CALU: variants seen among roughly 807,000 people sequenced by gnomAD.
The protein encoded by CALU is calumenin.
A neutral mutation model predicts 37.5 loss-of-function variants in CALU; 13 were observed. That is an observed-to-expected ratio of 0.35 (90% CI 0.23 to 0.55). The LOEUF (loss-of-function observed/expected upper bound fraction) is 0.55, where lower values mean the gene tolerates loss of function less well. CALU is among the 20% of genes least tolerant of loss of function. The pLI, the probability that CALU is intolerant of heterozygous loss-of-function variation, is 0.89. For missense variants in CALU, 282 were observed against 391.7 expected (o/e 0.72, Z 2.36); for synonymous variants, 114 against 133.8 (o/e 0.85, Z 1.02).
chr7:128,759,359 A>T (rs1039562556), intron 4 of CALU, among the ~76,000 whole-genome samples: 2 of 152,222 alleles, frequency 1.3e-5, no homozygotes, highest in African/African-American at 2.4e-5. Flanking sequence ...CATGACCAAT[A>T]GTCAGACATT....
At chr7:128,754,688 T>A in intron 3 of CALU, 1 of 1,552,122 alleles carries the variant, frequency 6.4e-7, no homozygotes, top group Non-Finnish European at 8.7e-7. Flanking sequence ...TCTCCTGGGA[T>A]GAGTACAGAA....
chr7:128,765,467 T>C (rs62479588), intron 5 of CALU, among the ~76,000 whole-genome samples: 45,582 of 152,144 alleles, frequency 0.3, 8,080 homozygotes, highest in Non-Finnish European at 0.41. Context: ...ATTTGTTAGA[T>C]TCATTTGCAG....
chr7:128,767,277 A>C (rs1449094409), intron 5 of CALU, among the ~76,000 whole-genome samples, 179 bp from the exon 6 acceptor site: 1 of 152,230 alleles, frequency 6.6e-6, no homozygotes, highest in Non-Finnish European at 1.5e-5. Flanking sequence ...GTTGCAAGAT[A>C]AGTGATTAAG....
At chr7:128,745,041 G>C (rs984316598) in intron 1 of CALU, among the ~76,000 whole-genome samples, 1 of 152,192 alleles carries the variant, frequency 6.6e-6, no homozygotes, top group Non-Finnish European at 1.5e-5. Context: ...TCCAGGACCA[G>C]ATTATGTTAG....
intron 1 of CALU, among the ~76,000 whole-genome samples, chr7:128,742,142 G>A (rs1800264743): frequency 6.6e-6 from 1 of 152,186 alleles, no homozygotes; most frequent in Non-Finnish European, 1.5e-5. Flanking sequence ...CATGAAGGAT[G>A]CCATCACTTT....
In CALU at chr7:128,758,946, A is replaced by G; in HGVS notation, c.491A>G (p.Asp164Gly). The change falls in exon 4 of 7, where the codon GAC becomes GGC. Residue 164 changes from aspartate (D) to glycine (G), a missense_variant. Asp to Gly is a moderately conservative substitution (Grantham distance 94). Coordinates refer to ENST00000249364, the MANE Select transcript of CALU (RefSeq NM_001219.5). Reference protein sequence around the residue: ...VRDERRFKMADKDGDLIATKE... With the variant: ...VRDERRFKMAGKDGDLIATKE... ...GATGAGCGGAGGTTTAAAATGGCAG[A>G]CAAGGATGGAGACCTCATTGCCACC... The G allele has an allele frequency of 6.2e-7, 1 of 1,613,518 alleles. No individual in the cohort carries two copies.
chr7:128,758,028 A>G (rs1800958045), intron 3 of CALU, among the ~76,000 whole-genome samples: 1 of 152,080 alleles, frequency 6.6e-6, no homozygotes, highest in South Asian at 2.1e-4. Context: ...CACCACTGCA[A>G]TCACGATAAT....
In CALU at chr7:128,772,729, CTG is replaced by C. The variant is rs1801637851; in HGVS notation, c.*3564_*3565del. On this transcript the variant is annotated 3_prime_UTR_variant, in exon 7 of 7. Transcript: ENST00000249364. Reference sequence around the variant, plus strand: ...AGTATGGGAAAAAAGACCTTATTCTCTGTATCACCAAAGCCTTGCACAATGCT... The same window carrying C: ...AGTATGGGAAAAAAGACCTTATTCTCTATCACCAAAGCCTTGCACAATGCT... 2 of 1,599,298 alleles carry C rather than the reference CTG, an allele frequency of 1.3e-6. No homozygotes were observed. The highest frequency in any genetic ancestry group is 2.7e-5 in the African/African-American group (2 of 74,704).
intron 4 of CALU, 85 bp downstream of exon 4, chr7:128,759,122 ATATCT>A: frequency 1.1e-6 from 1 of 921,564 alleles, no homozygotes; most frequent in Non-Finnish European, 1.7e-6. Context: ...CTTATATAGC[ATATCT>A]TATATATATA....
chr7:128,754,839 A>G (rs750929906), intron 3 of CALU: 5 of 453,780 alleles, frequency 1.1e-5, no homozygotes, highest in African/African-American at 2.0e-5. Context: ...TGCTAAGCTG[A>G]TTCCCTTTAT....
At chr7:128,740,925 G>T (rs1220308565) in intron 1 of CALU, among the ~76,000 whole-genome samples, 1 of 152,094 alleles carries the variant, frequency 6.6e-6, no homozygotes, top group Non-Finnish European at 1.5e-5. Context: ...AGAGTTGAGG[G>T]TCTCAGTATG....
In CALU at chr7:128,772,070, T is replaced by G. The variant is rs533412722; in HGVS notation, c.*2903T>G. Among the ~76,000 whole-genome samples the G allele has an allele frequency of 1.2e-3, 101 of 82,218 alleles. 1 individual carries two copies. Among genetic ancestry groups the G allele is most frequent in the East Asian group, 9.3e-3 (42 of 4,504 alleles). 53.9% of individuals were successfully genotyped at this position (82,218 alleles called of 152,430 possible). A position where few individuals can be genotyped will look rare whatever the true frequency, so the allele number is the denominator to read the frequency against. ...GGCCACTGAGTTTTTTTTGTTTTTT[T>G]TTTTGTTTTGTTTTGTTTTTTCTTT... On this transcript the variant is annotated 3_prime_UTR_variant, in exon 7 of 7. Transcript: ENST00000249364.
At position 128,754,259 on chromosome 7, in the gene CALU, C is replaced by T; in HGVS notation, c.222-3C>T. 1 of 1,601,540 alleles carries T rather than the reference C, an allele frequency of 6.2e-7. No individual in the cohort carries two copies. ...TTGCTGGATTTCTCTGCATTTTCTACAGAAAGATTGTAAGTAAAATAGATG... is the reference window on the plus strand; with the variant it reads ...TTGCTGGATTTCTCTGCATTTTCTATAGAAAGATTGTAAGTAAAATAGATG... On this transcript the variant is annotated splice_polypyrimidine_tract_variant and splice_region_variant and intron_variant, in intron 2 of 6. Transcript: ENST00000249364.
chr7:128,752,866 G>A (rs910973508), intron 2 of CALU, among the ~76,000 whole-genome samples: 1 of 152,238 alleles, frequency 6.6e-6, no homozygotes, highest in African/African-American at 2.4e-5. Flanking sequence ...TGTGTTTTTA[G>A]TAGAGACTGG....
At chr7:128,760,674 C>G (rs775829163) in intron 5 of CALU, among the ~76,000 whole-genome samples, 1 of 151,926 alleles carries the variant, frequency 6.6e-6, no homozygotes, top group Non-Finnish European at 1.5e-5. Flanking sequence ...TTTGGGAGGC[C>G]GAGGCGGGCG....
rs753507913 is a variant in CALU, at chr7:128,754,211, G to C, written c.222-51G>C. The C allele has an allele frequency of 1.6e-5, 23 of 1,432,906 alleles. No individual in the cohort carries two copies. The African/African-American group carries it at 3.1e-4, about 19-fold the overall frequency. The allele number at this position is 1,432,906 out of a possible 1,614,324, so 88.8% of individuals were successfully genotyped here. ...CTGGGCACACACCTGGCTAAGTCCAGAGTTCTGTGTCTTTTTAACCTTTTG... is the reference window on the plus strand; with the variant it reads ...CTGGGCACACACCTGGCTAAGTCCACAGTTCTGTGTCTTTTTAACCTTTTG... On this transcript the variant is annotated intron_variant, in intron 2 of 6. Transcript: ENST00000249364.
At chr7:128,757,745 T>G (rs1447660512) in intron 3 of CALU, among the ~76,000 whole-genome samples, 1 of 152,146 alleles carries the variant, frequency 6.6e-6, no homozygotes, top group Non-Finnish European at 1.5e-5. Context: ...GGAACGCAGA[T>G]TGAAAAAGAA....
At position 128,767,474 on chromosome 7, in the gene CALU, A is replaced by T; in HGVS notation, c.662A>T (p.Asp221Val). The change falls in exon 6 of 7, where the codon GAT becomes GTT. Residue 221 changes from aspartate (D) to valine (V), a missense_variant. By Grantham distance (152) the Asp-to-Val change is radical. Transcript: ENST00000249364. ...EEYIGDMYSHDGNTDEPEWVK... is the reference protein window; with the variant it reads ...EEYIGDMYSHVGNTDEPEWVK... ...TACCCAGGTGACATGTACAGCCATG[A>T]TGGGAATACTGATGAGCCAGAATGG... is the stretch of plus-strand genomic sequence containing the variant. The T allele has an allele frequency of 2.5e-6, 4 of 1,613,670 alleles. No individual in the cohort carries two copies. The highest frequency in any genetic ancestry group is 2.2e-5 in the South Asian group (2 of 91,072).
At position 128,770,665 on chromosome 7, in the gene CALU, C is replaced by T. The variant is rs1388009979; in HGVS notation, c.*1498C>T. ...GATGTGGAAAGAGCTAAAGAAACCA[C>T]CCTTTGTTCCCAACTCCACTTTACC... On this transcript the variant is annotated 3_prime_UTR_variant, in exon 7 of 7. Coordinates refer to ENST00000249364, the MANE Select transcript of CALU (RefSeq NM_001219.5). 6.6e-6 allele frequency: 1 copy of T among 152,432 alleles called. No individual in the cohort carries two copies. Among genetic ancestry groups the T allele is most frequent in the Non-Finnish European group, 1.5e-5 (1 of 68,038 alleles). The allele number at this position is 152,432 out of a possible 1,614,324, so 9.4% of individuals were successfully genotyped here.
Sources: allele counts gnomAD v4.1 joint callset (sites outside exome capture counted in the v4.1 genomes callset), GRCh38; gene constraint gnomAD v4.1.1; transcripts MANE v1.5; gene names NCBI Gene and HGNC (gene_info 2026-07-23, HGNC 2026-07-21).